The following VEZT variants were observed in gnomAD, a reference collection of about 807,000 sequenced individuals.
The protein encoded by VEZT is vezatin.
Under a neutral mutation model 79.9 loss-of-function variants are expected in VEZT, and 39 were observed. The observed-to-expected ratio is 0.49, with a 90% CI of 0.38 to 0.64. VEZT has a LOEUF of 0.64. Ranked by LOEUF, VEZT falls within the 30% of genes least tolerant of loss-of-function variation. The probability of loss-of-function intolerance (pLI) is 0.00; values close to 1 mark genes in which losing one functional copy is unlikely to be tolerated. For synonymous variants in VEZT, 325 were observed against 327.6 expected, an observed-to-expected ratio of 0.99 and a Z score of 0.09; for missense variants, 837 against 893.1, an observed-to-expected ratio of 0.94 and a Z score of 0.80.
Position 95,270,117 on chromosome 12 carries a change from G to T in VEZT, c.777G>T (p.Arg259=). Reference sequence around the variant, plus strand: ...CAAGTCAGCATCTCATCGGTCTTCGGAAAGCTGTCTACCGAACTCTAAGAG... The same window carrying T: ...CAAGTCAGCATCTCATCGGTCTTCGTAAAGCTGTCTACCGAACTCTAAGAG... ...QHPSQHLIGL[R]KAVYRTLRAN... Residue 259 remains arginine, a synonymous_variant, in exon 6 of 12, where the codon CGG becomes CGT. Transcript: ENST00000436874. The T allele has an allele frequency of 6.2e-7, 1 of 1,611,876 alleles. No homozygotes were observed. Among genetic ancestry groups the T allele is most frequent in the Non-Finnish European group, 8.5e-7 (1 of 1,179,060 alleles).
chr12:95,299,785 CT>C, intron 11 of VEZT: 1 of 154,774 alleles, frequency 6.5e-6, no homozygotes, highest in Non-Finnish European at 1.4e-5. Flanking sequence ...CTGGTCCCTA[CT>C]CCCAGAGTTT....
chr12:95,289,847 A>G (rs1016119580), intron 9 of VEZT, among the ~76,000 whole-genome samples: 2 of 152,160 alleles, frequency 1.3e-5, no homozygotes, highest in African/African-American at 4.8e-5. Flanking sequence ...AATATTCCCT[A>G]GTTGTTGACA....
chr12:95,286,534 T>C, intron 8 of VEZT: 1 of 523,782 alleles, frequency 1.9e-6, no homozygotes, highest in Middle Eastern at 3.4e-4. Context: ...ATCTCTTCTT[T>C]GATTTGCTGT....
At chr12:95,291,546 T>A (rs1307505648) in intron 9 of VEZT, among the ~76,000 whole-genome samples, 1 of 152,252 alleles carries the variant, frequency 6.6e-6, no homozygotes, top group Non-Finnish European at 1.5e-5. Flanking sequence ...TTTACTCTGC[T>A]GTTGTAATGT....
chr12:95,234,141 C>T (rs899951706), intron 1 of VEZT, among the ~76,000 whole-genome samples: 4 of 152,026 alleles, frequency 2.6e-5, no homozygotes, highest in Non-Finnish European at 4.4e-5. Context: ...CATATTGACC[C>T]ATTTGTATTT....
At chr12:95,272,873 C>T (rs977584304) in intron 6 of VEZT, among the ~76,000 whole-genome samples, 4 of 152,084 alleles carry the variant, frequency 2.6e-5, no homozygotes, top group African/African-American at 4.8e-5. Context: ...CTTAGCCTTC[C>T]GAGTAGCTGG....
In VEZT at chr12:95,254,640, G is replaced by A. The variant is rs147729903; in HGVS notation, c.169-2510G>A. Among the ~76,000 whole-genome samples, 518 of 152,190 alleles carry A rather than the reference G, an allele frequency of 3.4e-3. 4 individuals are homozygous for A. Among genetic ancestry groups the A allele is most frequent in the African/African-American group, 0.011 (472 of 41,510 alleles). On this transcript the variant is annotated intron_variant, in intron 2 of 11. Transcript: ENST00000436874. ...ATTACAGGCATGAGCCACCATGCCCGACCAATTTTTTTCCTAATTTGGGGA... is the reference window on the plus strand; with the variant it reads ...ATTACAGGCATGAGCCACCATGCCCAACCAATTTTTTTCCTAATTTGGGGA...
Position 95,263,007 on chromosome 12 carries a change from G to A in VEZT, c.360G>A (p.Leu120=). ...ELIELLDPSI[L]SAGQSQQQEN... ...TTGAGCTACTTGATCCCAGTATCCT[G>A]TCTGCAGGGCAATCTCAACAACAGG... The change falls in exon 4 of 12, where the codon CTG becomes CTA. Residue 120 remains leucine, a synonymous_variant. Transcript: ENST00000436874. 1 of 1,613,452 alleles carries A rather than the reference G, an allele frequency of 6.2e-7. No individual in the cohort carries two copies. The highest frequency in any genetic ancestry group is 8.5e-7 in the Non-Finnish European group (1 of 1,179,524).
At chr12:95,255,623 G>A (rs1252037540) in intron 2 of VEZT, among the ~76,000 whole-genome samples, 1 of 151,980 alleles carries the variant, frequency 6.6e-6, no homozygotes, top group Admixed American at 6.6e-5. Context: ...AGTAGAGACG[G>A]GGTTTCACTA....
At chr12:95,290,285 A>G (rs56098417) in intron 9 of VEZT, among the ~76,000 whole-genome samples, 12,847 of 152,256 alleles carry the variant, frequency 0.084, 582 homozygotes, top group Middle Eastern at 0.12. Context: ...TGCATATACC[A>G]TATGACCCAG....
intron 1 of VEZT, among the ~76,000 whole-genome samples, chr12:95,238,700 T>C (rs2060501368): frequency 6.6e-6 from 1 of 152,250 alleles, no homozygotes. Flanking sequence ...CACTGTTTCA[T>C]ATTTCATTAA....
chr12:95,261,005 T>TA (rs10626291), intron 3 of VEZT, among the ~76,000 whole-genome samples: 39,848 of 131,102 alleles, frequency 0.3, 6,659 homozygotes, highest in African/African-American at 0.46. Context: ...CAGTAGATGG[T>TA]AAAAAAAAAA....
chr12:95,227,436 G>T (rs1355548907), intron 1 of VEZT, among the ~76,000 whole-genome samples: 1 of 149,826 alleles, frequency 6.7e-6, no homozygotes, highest in Non-Finnish European at 1.5e-5. Flanking sequence ...CACCTCCCGG[G>T]TTCAAGCGAT....
At chr12:95,292,368 TTTCA>T (rs1352032255) in intron 9 of VEZT, among the ~76,000 whole-genome samples, 2 of 152,208 alleles carry the variant, frequency 1.3e-5, no homozygotes, top group Non-Finnish European at 2.9e-5. Context: ...TTTTTTTTCT[TTTCA>T]TTCAAAGAAC....
chr12:95,245,817 A>T (rs572557851), intron 1 of VEZT, among the ~76,000 whole-genome samples: 4 of 152,340 alleles, frequency 2.6e-5, no homozygotes, highest in Admixed American at 6.5e-5. Flanking sequence ...CCATCTCTAC[A>T]ATAAATTTAA....
chr12:95,282,360 G>C lies in VEZT; in HGVS notation c.1044G>C (p.Arg348=), dbSNP rs377540831. 5 of 1,613,636 alleles carry C rather than the reference G, an allele frequency of 3.1e-6. No homozygotes were observed. In the African/African-American group the frequency reaches 4.0e-5, roughly 13 times the overall value. ...CACAGAGTTCAGAGTTCTTCAGACG[G>C]TTAGCCCTATTACTTTCTACAGCCA... is the stretch of plus-strand genomic sequence containing the variant. ...WVAQSSEFFR[R]LALLLSTANS... is the part of the protein sequence containing the mutation. The change falls in exon 8 of 12, where the codon CGG becomes CGC. Residue 348 remains arginine, a synonymous_variant. Coordinates refer to ENST00000436874, the MANE Select transcript of VEZT (RefSeq NM_017599.4).
In VEZT at chr12:95,282,716, T is replaced by G. The variant is rs1157608029; in HGVS notation, c.1328+72T>G. On this transcript the variant is annotated intron_variant, in intron 8 of 11. Transcript: ENST00000436874. ...TTCATTCGTGTACCATTGTGGTTGT[T>G]GGCTTGTGTCCTACCTAGAAAAAAG... 1.0e-5 allele frequency: 14 copies of G among 1,346,808 alleles called. 1 individual carries two copies. Among genetic ancestry groups the G allele is most frequent in the Admixed American group, 2.5e-5 (1 of 39,602 alleles). 83.4% of individuals were successfully genotyped at this position (1,346,808 alleles called of 1,614,324 possible). A position where few individuals can be genotyped will look rare whatever the true frequency, so the allele number is the denominator to read the frequency against.
chr12:95,265,053 G>C (rs935416841), intron 4 of VEZT, among the ~76,000 whole-genome samples: 1 of 151,674 alleles, frequency 6.6e-6, no homozygotes, highest in East Asian at 1.9e-4. Flanking sequence ...TAGAGAAGGG[G>C]TCCTACTGTG....
intron 1 of VEZT, 103 bp downstream of exon 1, chr12:95,217,989 G>A: frequency 1.6e-6 from 2 of 1,234,978 alleles, no homozygotes; most frequent in Admixed American, 3.1e-5. Flanking sequence ...CGGGTGACGC[G>A]CTCCAGCTGG....
Sources: allele counts gnomAD v4.1 joint callset (sites outside exome capture counted in the v4.1 genomes callset), GRCh38; gene constraint gnomAD v4.1.1; transcripts MANE v1.5; gene names NCBI Gene and HGNC (gene_info 2026-07-23, HGNC 2026-07-21).